UCKL1: variants seen among roughly 807,000 people sequenced by gnomAD.
The protein encoded by UCKL1 is uridine-cytidine kinase 1 like 1.
Under a neutral mutation model 59.2 loss-of-function variants are expected in UCKL1, and 65 were observed. The ratio of observed to expected loss-of-function variants is 1.10; its 90% confidence interval spans 0.90 to 1.35. The LOEUF is 1.35. Ranked by LOEUF, UCKL1 falls within the 40% of genes most tolerant of loss-of-function variation. The pLI, the probability that UCKL1 is intolerant of heterozygous loss-of-function variation, is 0.00. For synonymous variants in UCKL1, 410 were observed against 323.1 expected, an observed-to-expected ratio of 1.27 and a Z score of -2.88; for missense variants, 703 against 784.3, an observed-to-expected ratio of 0.90 and a Z score of 1.24.
chr20:63,954,437 C>A (rs996042848), intron 1 of UCKL1: 1 of 152,334 alleles, frequency 6.6e-6, no homozygotes, highest in Non-Finnish European at 1.5e-5. Flanking sequence ...TGGCAGGAGG[C>A]ACTGGAACGG....
rs754624635 is a variant in UCKL1 at position 63,944,465 on chromosome 20, C to T, written c.845-7G>A. 42 of 645,494 alleles carry T rather than the reference C, an allele frequency of 6.5e-5. No homozygotes were observed. The highest frequency in any genetic ancestry group is 1.1e-4 in the Admixed American group (5 of 46,138). The allele number at this position is 645,494 out of a possible 1,614,324, so 40.0% of individuals were successfully genotyped here. ...GCCACCGTGTTGCCGCTCCCTGGGG[C>T]GGGATGGGGGGGCGGGTGACCGGGG... On this transcript the variant is annotated splice_polypyrimidine_tract_variant and splice_region_variant and intron_variant, in intron 6 of 14. Transcript: ENST00000354216.
chr20:63,944,857 A>G, intron 5 of UCKL1, 123 bp from the exon 6 acceptor site: 3 of 1,254,688 alleles, frequency 2.4e-6, no homozygotes, highest in Non-Finnish European at 3.3e-6. Context: ...TCCCCAGGGC[A>G]CCCTGGCAGG....
chr20:63,943,255 G>A (rs1000157374), intron 8 of UCKL1, among the ~76,000 whole-genome samples: 1 of 152,232 alleles, frequency 6.6e-6, no homozygotes, highest in Non-Finnish European at 1.5e-5. Flanking sequence ...TGACTGGTCC[G>A]TGAGGCTGGG....
chr20:63,940,582 GC>G lies in UCKL1; in HGVS notation c.1302+11del. On this transcript the variant is annotated intron_variant, in intron 12 of 14. Coordinates refer to ENST00000354216, the MANE Select transcript of UCKL1 (RefSeq NM_017859.4). ...TACCCCCGGGCTCATCACCCCGGCTGCCCCCAGGCACCTCGGGCTCCCCGGT... is the reference window on the plus strand; with the variant it reads ...TACCCCCGGGCTCATCACCCCGGCTGCCCCAGGCACCTCGGGCTCCCCGGT... 6.2e-7 allele frequency: 1 copy of G among 1,606,530 alleles called. No homozygotes were observed.
rs778953452 is a variant in UCKL1 at position 63,956,243 on chromosome 20, G to A, written c.113+17C>T. The A allele has an allele frequency of 4.0e-6, 6 of 1,515,454 alleles. No individual in the cohort carries two copies. The highest frequency in any genetic ancestry group is 5.3e-6 in the Non-Finnish European group (6 of 1,133,944). 93.9% of individuals were successfully genotyped at this position (1,515,454 alleles called of 1,614,324 possible). On this transcript the variant is annotated intron_variant, in intron 1 of 14. Transcript: ENST00000354216. Reference sequence around the variant, plus strand: ...CTTCCCGCTCGCCAGTGGAGTGGAGGCGAGGCCCACGCCTACCGGTCCTCG... The same window carrying A: ...CTTCCCGCTCGCCAGTGGAGTGGAGACGAGGCCCACGCCTACCGGTCCTCG...
chr20:63,941,723 C>A, intron 8 of UCKL1: 1 of 209,952 alleles, frequency 4.8e-6, no homozygotes, highest in Non-Finnish European at 1.0e-5. Context: ...CCGTCCCGCC[C>A]CGCTGCCCAA....
chr20:63,940,411 G>A lies in UCKL1; in HGVS notation c.1377C>T (p.Gly459=). ...CGCGCACTGCCATCATGGCCGCCGC[G>A]CCCGTGGACACGGTGCAGTCCATGA... ...VILMDCTVST[G]AAAMMAVRVL... is the part of the protein sequence containing the mutation. Residue 459 remains glycine (G), a synonymous_variant, in exon 13 of 15, where the codon GGC becomes GGT. Transcript: ENST00000354216. 1.2e-6 allele frequency: 2 copies of A among 1,611,864 alleles called. No homozygotes were observed. The highest frequency in any genetic ancestry group is 1.1e-5 in the South Asian group (1 of 91,066).
Position 63,945,862 on chromosome 20 carries a change from C to T in UCKL1, c.525G>A (p.Gly175=), listed in dbSNP as rs768458519. 4.3e-6 allele frequency: 7 copies of T among 1,613,728 alleles called. No homozygotes were observed. The South Asian group carries it at 4.4e-5, about 10-fold the overall frequency. The part of the protein sequence containing the change: ...IISTLKKLKQ[G]KSVKVPIYDF... ...CATAAATGGGCACCTTGACACTCTT[C>T]CCCTGCTTCAGCTTCTTGAGGGTGG... Residue 175 remains glycine (G), a synonymous_variant, in exon 4 of 15, where the codon GGG becomes GGA. Transcript: ENST00000354216.
At chr20:63,949,269 C>T (rs905421827) in intron 1 of UCKL1, among the ~76,000 whole-genome samples, 2 of 152,138 alleles carry the variant, frequency 1.3e-5, no homozygotes, top group South Asian at 4.1e-4. Flanking sequence ...AGGCCAGGCG[C>T]CAAGACGACC....
intron 1 of UCKL1, chr20:63,951,005 G>C (rs2057504831): frequency 7.7e-7 from 1 of 1,295,832 alleles, no homozygotes; most frequent in African/African-American, 1.5e-5. Context: ...GACCACTCCT[G>C]TGGGCAGCAC....
Position 63,939,909 on chromosome 20 carries a change from T to C in UCKL1, c.*67A>G, listed in dbSNP as rs2053891324. The stretch of plus-strand genomic sequence containing the variant: ...GTAACATTTTAAAAATTAACATCTT[T>C]GTATTCAGCAGTCCTGGGTCAGGAG... On this transcript the variant is annotated 3_prime_UTR_variant, in exon 15 of 15. Coordinates refer to ENST00000354216, the MANE Select transcript of UCKL1 (RefSeq NM_017859.4). 10 of 1,283,902 alleles carry C rather than the reference T, an allele frequency of 7.8e-6. No individual in the cohort carries two copies. Among genetic ancestry groups the C allele is most frequent in the Non-Finnish European group, 1.0e-5 (9 of 900,324 alleles). The allele number at this position is 1,283,902 out of a possible 1,614,324, so 79.5% of individuals were successfully genotyped here. A position where few individuals can be genotyped will look rare whatever the true frequency, so the allele number is the denominator to read the frequency against.
chr20:63,951,152 T>A, intron 1 of UCKL1: 2 of 1,063,536 alleles, frequency 1.9e-6, no homozygotes, highest in Non-Finnish European at 2.3e-6. Context: ...ACTGCCGTCC[T>A]CAGAGGCCAA....
At chr20:63,951,828 C>T (rs1000246414) in intron 1 of UCKL1, among the ~76,000 whole-genome samples, 3 of 152,136 alleles carry the variant, frequency 2.0e-5, no homozygotes, top group Non-Finnish European at 2.9e-5. Flanking sequence ...AACAGGGTTT[C>T]GGCCCCACCC....
chr20:63,942,000 A>G (rs912352611), intron 8 of UCKL1, among the ~76,000 whole-genome samples: 7 of 135,858 alleles, frequency 5.2e-5, no homozygotes, highest in Admixed American at 1.5e-4. Flanking sequence ...AGCGGCAGGG[A>G]AAGGGGCGGG....
chr20:63,948,570 AGGGAGGGGATGTGTGTGAGAG>A, intron 1 of UCKL1: 3 of 53,522 alleles, frequency 5.6e-5, no homozygotes, highest in South Asian at 8.7e-4. Context: ...CGTGTGTGAG[AGGGAGGGGATGTGTGTGAGAG>A]GGAGGGGGCG....
intron 1 of UCKL1, among the ~76,000 whole-genome samples, chr20:63,949,963 G>C (rs142822406): frequency 6.6e-6 from 1 of 152,360 alleles, no homozygotes; most frequent in East Asian, 1.9e-4. Flanking sequence ...CTGGTGCTCA[G>C]TCCTCTCCAG....
chr20:63,946,168 A>G lies in UCKL1; in HGVS notation c.404T>C (p.Phe135Ser). The G allele has an allele frequency of 6.2e-7, 1 of 1,612,154 alleles. No homozygotes were observed. The change falls in exon 3 of 15, where the codon TTC (phenylalanine) becomes TCC (serine). Residue 135 changes from phenylalanine to serine, a missense_variant. Phe to Ser is a radical substitution (Grantham distance 155). This residue lies in a region of UCKL1 where 398 missense variants were observed against 373.0 expected (regional missense o/e 1.07). Coordinates refer to ENST00000354216, the MANE Select transcript of UCKL1 (RefSeq NM_017859.4). ...PWVVLLSMDS[F>S]YKVLTEQQQE... ...AGCTGGGCGGGGGCCCACCTTGTAG[A>G]AGGAGTCCATGGACAGCAAGACCAC...
chr20:63,953,939 CCA>C (rs2058117634), intron 1 of UCKL1: 1 of 152,566 alleles, frequency 6.6e-6, no homozygotes, highest in South Asian at 2.1e-4. Context: ...TCACCATCGC[CCA>C]CGGACCTTCC....
At chr20:63,951,595 A>C (rs957861361) in intron 1 of UCKL1, among the ~76,000 whole-genome samples, 1 of 151,480 alleles carries the variant, frequency 6.6e-6, no homozygotes, top group Non-Finnish European at 1.5e-5. Flanking sequence ...CCCTACCCCC[A>C]CTCACGGGGG....
Sources: allele counts gnomAD v4.1 joint callset (sites outside exome capture counted in the v4.1 genomes callset), GRCh38; gene constraint gnomAD v4.1.1; regional missense constraint gnomAD v4.1.1; transcripts MANE v1.5; gene names NCBI Gene and HGNC (gene_info 2026-07-23, HGNC 2026-07-21).